MIPOL1: variants seen among roughly 807,000 people sequenced by gnomAD.
The protein encoded by MIPOL1 is mirror-image polydactyly gene 1 protein.
Under a neutral mutation model 60.9 loss-of-function variants are expected in MIPOL1, and 57 were observed. The ratio of observed to expected loss-of-function variants is 0.94; its 90% CI spans 0.76 to 1.17. MIPOL1 has a LOEUF of 1.17. Among genes scored for constraint, MIPOL1 ranks in the 50% most tolerant of loss-of-function variants. MIPOL1 has a pLI of 0.00. For missense variants in MIPOL1, 551 were observed against 511.6 expected (o/e 1.08, Z -0.74); for synonymous variants, 179 against 168.8 (o/e 1.06, Z -0.47).
At chr14:37,422,773 A>T in intron 10 of MIPOL1, 82 bp from the exon 11 acceptor site, 2 of 828,544 alleles carry the variant, frequency 2.4e-6, no homozygotes, top group Non-Finnish European at 3.7e-6. Context: ...TCAGTAATTT[A>T]AGACTACTGT....
At chr14:37,448,915 G>C (rs767991948) in intron 11 of MIPOL1, among the ~76,000 whole-genome samples, 3 of 152,128 alleles carry the variant, frequency 2.0e-5, no homozygotes, top group African/African-American at 7.2e-5. Flanking sequence ...CAAATTCCAT[G>C]ACAGACACTT....
chr14:37,270,641 C>CT (rs66866056), intron 6 of MIPOL1, 116 bp downstream of exon 6: 136,313 of 211,688 alleles, frequency 0.64, 45,396 homozygotes, highest in Admixed American at 0.83. Flanking sequence ...GGAAGCTCTC[C>CT]TTTTTTTTTT....
chr14:37,340,792 A>G (rs1041878935), intron 9 of MIPOL1, among the ~76,000 whole-genome samples: 1 of 152,118 alleles, frequency 6.6e-6, no homozygotes, highest in African/African-American at 2.4e-5. Context: ...TACAATTTTT[A>G]TAAAATCTAT....
intron 12 of MIPOL1, chr14:37,504,783 CA>C (rs1265918517): frequency 2.6e-5 from 4 of 151,920 alleles, no homozygotes; most frequent in Non-Finnish European, 4.4e-5. Context: ...GATGGAGACG[CA>C]AAAAACCCTT....
chr14:37,274,441 A>T (rs1214982147), intron 6 of MIPOL1, among the ~76,000 whole-genome samples: 1 of 151,432 alleles, frequency 6.6e-6, no homozygotes, highest in Non-Finnish European at 1.5e-5. Flanking sequence ...TTTATTAAGC[A>T]CTTAAATGTT....
chr14:37,208,202 A>G (rs1966404624), intron 1 of MIPOL1, among the ~76,000 whole-genome samples: 1 of 152,190 alleles, frequency 6.6e-6, no homozygotes, highest in African/African-American at 2.4e-5. Flanking sequence ...TTGATTATGT[A>G]TAAATAGTAC....
intron 1 of MIPOL1, among the ~76,000 whole-genome samples, chr14:37,219,945 A>G (rs1372997537): frequency 6.6e-6 from 1 of 152,164 alleles, no homozygotes; most frequent in Non-Finnish European, 1.5e-5. Context: ...TGATATGAAT[A>G]TAGCCACCCC....
intron 11 of MIPOL1, among the ~76,000 whole-genome samples, chr14:37,448,447 T>C (rs962917712): frequency 1.3e-5 from 2 of 152,252 alleles, no homozygotes; most frequent in Non-Finnish European, 2.9e-5. Context: ...TTTGTTTTCA[T>C]TGATGTTGTT....
intron 11 of MIPOL1, among the ~76,000 whole-genome samples, chr14:37,468,708 C>T (rs888691374): frequency 6.6e-6 from 1 of 152,166 alleles, no homozygotes; most frequent in Non-Finnish European, 1.5e-5. Flanking sequence ...GACAGTTTCT[C>T]ATGGGGTTTA....
In MIPOL1 at chr14:37,331,052, GGTTTT is replaced by G. The variant is rs927042144; in HGVS notation, c.828+22544_828+22548del. On this transcript the variant is annotated intron_variant, in intron 9 of 12. Transcript: ENST00000684589. ...TTTTGTTCCATTGGTCTATGTGTTT[GGTTTT>G]GTTTTGTTTTTTAGTCTATCCTGTG... 9.2e-5 allele frequency among the ~76,000 whole-genome samples: 14 copies of G among 151,950 alleles called. No homozygotes were observed. In the South Asian group the frequency reaches 1.0e-3, roughly 11 times the overall value.
At chr14:37,355,617 T>G (rs1189132681) in intron 9 of MIPOL1, among the ~76,000 whole-genome samples, 1 of 118,336 alleles carries the variant, frequency 8.5e-6, no homozygotes, top group African/African-American at 3.1e-5. Context: ...TTTTTATTCT[T>G]TTTTCTCTAA....
intron 10 of MIPOL1, among the ~76,000 whole-genome samples, chr14:37,373,992 T>G (rs1234920195): frequency 6.6e-6 from 1 of 152,176 alleles, no homozygotes; most frequent in Non-Finnish European, 1.5e-5. Flanking sequence ...TAATTTACAC[T>G]CCCACCAACA....
intron 1 of MIPOL1, among the ~76,000 whole-genome samples, chr14:37,236,539 C>A (rs1373651724): frequency 6.6e-6 from 1 of 151,182 alleles, no homozygotes; most frequent in East Asian, 2.0e-4. Context: ...CGGGTTCAAG[C>A]GATTCTCCTG....
At chr14:37,424,997 G>A (rs1178787346) in intron 11 of MIPOL1, among the ~76,000 whole-genome samples, 2 of 152,164 alleles carry the variant, frequency 1.3e-5, no homozygotes, top group Admixed American at 1.3e-4. Context: ...TCAGTTAGCT[G>A]CATTAAATTA....
intron 1 of MIPOL1, among the ~76,000 whole-genome samples, chr14:37,214,410 A>C (rs1967229132): frequency 6.6e-6 from 1 of 152,220 alleles, no homozygotes; most frequent in African/African-American, 2.4e-5. Flanking sequence ...TCAGATTAAA[A>C]TAATGGGTTA....
intron 1 of MIPOL1, among the ~76,000 whole-genome samples, chr14:37,242,465 A>G (rs2153347497): frequency 6.6e-6 from 1 of 152,248 alleles, no homozygotes; most frequent in Admixed American, 6.5e-5. Context: ...TCACCATTTT[A>G]TATCTAACTC....
chr14:37,353,143 T>G (rs2091530920), intron 9 of MIPOL1, among the ~76,000 whole-genome samples: 1 of 143,830 alleles, frequency 7.0e-6, no homozygotes, highest in Admixed American at 7.1e-5. Context: ...CAAAGGCTTT[T>G]TCTGCATCTA....
chr14:37,461,686 G>C (rs1010886220), intron 11 of MIPOL1, among the ~76,000 whole-genome samples: 2 of 152,178 alleles, frequency 1.3e-5, no homozygotes, highest in African/African-American at 2.4e-5. Context: ...TCAAATGGGA[G>C]AAATTGGCCA....
chr14:37,364,714 C>G (rs2092411933), intron 9 of MIPOL1, among the ~76,000 whole-genome samples: 1 of 152,064 alleles, frequency 6.6e-6, no homozygotes, highest in South Asian at 2.1e-4. Context: ...TGAATCTCTT[C>G]TGGTTCCATA....
Sources: gnomAD v4.1 joint callset for allele counts (sites outside exome capture counted in the v4.1 genomes callset) on GRCh38, gnomAD v4.1.1 for gene constraint, MANE v1.5 for transcripts, NCBI Gene and HGNC (gene_info 2026-07-23, HGNC 2026-07-21) for gene names.